The following DLG2 variants were observed in gnomAD, a reference collection of about 807,000 sequenced individuals.
DLG2 encodes the protein disks large homolog 2.
Under a neutral mutation model 132.5 loss-of-function variants are expected in DLG2, and 45 were observed. The observed-to-expected ratio is 0.34, with a 90% confidence interval of 0.27 to 0.44. DLG2 has a LOEUF of 0.44. DLG2 is among the 20% of genes least tolerant of loss of function. The pLI, the probability that DLG2 is intolerant of heterozygous loss-of-function variation, is 1.00. For missense variants in DLG2, 1,045 were observed against 1,196.9 expected (o/e 0.87, Z 1.87); for synonymous variants, 424 against 419.6 (o/e 1.01, Z -0.13).
At chr11:83,961,971 T>G (rs2088913077) in intron 14 of DLG2, among the ~76,000 whole-genome samples, 1 of 152,028 alleles carries the variant, frequency 6.6e-6, no homozygotes, top group South Asian at 2.1e-4. Flanking sequence ...GGAAAATGCT[T>G]AATCATTTAA....
At chr11:83,617,609 CTT>C (rs1254225638) in intron 19 of DLG2, among the ~76,000 whole-genome samples, 1 of 152,080 alleles carries the variant, frequency 6.6e-6, no homozygotes, top group Non-Finnish European at 1.5e-5. Flanking sequence ...AATCATCTTA[CTT>C]TTTCTTGCAC....
chr11:83,950,005 T>C (rs1482759900), intron 14 of DLG2, among the ~76,000 whole-genome samples: 2 of 152,206 alleles, frequency 1.3e-5, no homozygotes, highest in African/African-American at 4.8e-5. Context: ...ATTTTCTATA[T>C]GGACTGTACA....
chr11:83,818,448 C>T (rs187555985), intron 17 of DLG2, among the ~76,000 whole-genome samples: 35 of 152,258 alleles, frequency 2.3e-4, no homozygotes, highest in Admixed American at 9.8e-4. Flanking sequence ...CCTCACTGTA[C>T]TTTTCTTATA....
Position 84,898,100 on chromosome 11 carries a change from A to G in DLG2, c.357+213561T>C, listed in dbSNP as rs190969956. Reference sequence around the variant, plus strand: ...AAATATGGCTTCACTTTGCAAAGATATAACAATAAAAATGGTCACTTTATA... The same window carrying G: ...AAATATGGCTTCACTTTGCAAAGATGTAACAATAAAAATGGTCACTTTATA... On this transcript the variant is annotated intron_variant, in intron 6 of 27. Transcript: ENST00000376104. Among the ~76,000 whole-genome samples the G allele has an allele frequency of 8.2e-4, 125 of 152,096 alleles. 1 individual carries two copies. Among genetic ancestry groups the G allele is most frequent in the Admixed American group, 8.1e-3 (124 of 15,234 alleles).
intron 9 of DLG2, among the ~76,000 whole-genome samples, chr11:84,112,252 C>T (rs1267401584): frequency 2.0e-5 from 3 of 151,830 alleles, no homozygotes; most frequent in Non-Finnish European, 4.4e-5. Flanking sequence ...CCCGCCTCGG[C>T]CTCCCCAAGT....
chr11:84,870,666 C>A (rs1485669231), intron 6 of DLG2, among the ~76,000 whole-genome samples: 1 of 152,178 alleles, frequency 6.6e-6, no homozygotes, highest in Non-Finnish European at 1.5e-5. Flanking sequence ...TACATATATT[C>A]ATCACTGTGT....
chr11:83,799,680 G>A (rs946486614), intron 17 of DLG2, among the ~76,000 whole-genome samples: 2 of 152,172 alleles, frequency 1.3e-5, no homozygotes, highest in Non-Finnish European at 2.9e-5. Flanking sequence ...GATGATTGGA[G>A]GTGTGATGAT....
Position 85,146,227 on chromosome 11 carries a change from C to CCTCTCTCTCTCTCT in DLG2, c.282+8315_282+8328dup, listed in dbSNP as rs35640163. Among the ~76,000 whole-genome samples, 801 of 129,158 alleles carry CCTCTCTCTCTCTCT rather than the reference C, an allele frequency of 6.2e-3. 10 individuals are homozygous for CCTCTCTCTCTCTCT. Among genetic ancestry groups the CCTCTCTCTCTCTCT allele is most frequent in the Non-Finnish European group, 8.3e-3 (512 of 61,444 alleles). 84.7% of individuals were successfully genotyped at this position (129,158 alleles called of 152,430 possible). A position where few individuals can be genotyped will look rare whatever the true frequency, so the allele number is the denominator to read the frequency against. On this transcript the variant is annotated intron_variant, in intron 5 of 27. Transcript: ENST00000376104. ...AAGTCTGTCTGTATGTCTGTTTCTCCCTCTCTCTCTCTCTCTCTCTCTCTC... is the reference window on the plus strand; with the variant it reads ...AAGTCTGTCTGTATGTCTGTTTCTCCCTCTCTCTCTCTCTCTCTCTCTCTCTCTCTCTCTCTCTC...
At chr11:85,031,086 A>T (rs1592970968) in intron 6 of DLG2, among the ~76,000 whole-genome samples, 1 of 151,652 alleles carries the variant, frequency 6.6e-6, no homozygotes, top group Non-Finnish European at 1.5e-5. Flanking sequence ...GCTTTTTTTT[A>T]TATATAGGTT....
intron 6 of DLG2, among the ~76,000 whole-genome samples, chr11:84,960,724 A>G (rs575512296): frequency 3.3e-5 from 5 of 152,256 alleles, no homozygotes; most frequent in Admixed American, 1.3e-4. Context: ...AAAGGACATA[A>G]GCTTTATTTC....
chr11:84,285,137 C>T (rs894010386), intron 7 of DLG2, among the ~76,000 whole-genome samples: 14 of 152,118 alleles, frequency 9.2e-5, no homozygotes, highest in Non-Finnish European at 5.9e-5. Flanking sequence ...TATCCTGTTG[C>T]TTGCTGGTCA....
chr11:85,462,767 GT>G (rs1398279781), intron 3 of DLG2, among the ~76,000 whole-genome samples: 9 of 151,552 alleles, frequency 5.9e-5, no homozygotes, highest in African/African-American at 2.2e-4. Context: ...AAACGTGCAC[GT>G]TTTGCTCATG....
intron 6 of DLG2, among the ~76,000 whole-genome samples, chr11:85,087,869 A>C (rs2508326): frequency 6.7e-6 from 1 of 148,302 alleles, no homozygotes; most frequent in Non-Finnish European, 1.5e-5. Context: ...AAAAAAAAAA[A>C]CAGATCATGG....
intron 6 of DLG2, among the ~76,000 whole-genome samples, chr11:84,906,246 T>C (rs1264346440): frequency 1.3e-5 from 2 of 151,280 alleles, no homozygotes; most frequent in Non-Finnish European, 1.5e-5. Flanking sequence ...TTTGTTTTTT[T>C]TTTTTTTACA....
chr11:84,756,739 G>A (rs910897911), intron 6 of DLG2, among the ~76,000 whole-genome samples: 2 of 152,024 alleles, frequency 1.3e-5, no homozygotes, highest in African/African-American at 4.8e-5. Context: ...AATATAATGA[G>A]ATTTTTTTGT....
At chr11:85,251,054 A>G (rs992720612) in intron 4 of DLG2, among the ~76,000 whole-genome samples, 4 of 152,160 alleles carry the variant, frequency 2.6e-5, no homozygotes, top group South Asian at 2.1e-4. Context: ...AGCTACTTCT[A>G]TCAACAGTAA....
In DLG2 at chr11:84,934,480, C is replaced by G. The variant is rs73518985; in HGVS notation, c.357+177181G>C. On this transcript the variant is annotated intron_variant, in intron 6 of 27. Transcript: ENST00000376104. Reference sequence around the variant, plus strand: ...TTCTTTGTACATCCTCTTTGTACATCTGTGAATCTGTATGGTCCTGGGTGT... The same window carrying G: ...TTCTTTGTACATCCTCTTTGTACATGTGTGAATCTGTATGGTCCTGGGTGT... Among the ~76,000 whole-genome samples, 658 of 99,372 alleles carry G rather than the reference C, an allele frequency of 6.6e-3. 8 individuals are homozygous for G. Among genetic ancestry groups the G allele is most frequent in the African/African-American group, 0.026 (615 of 23,742 alleles). 65.2% of individuals were successfully genotyped at this position (99,372 alleles called of 152,430 possible). A position where few individuals can be genotyped will look rare whatever the true frequency, so the allele number is the denominator to read the frequency against.
chr11:84,084,103 C>T (rs191423969), intron 10 of DLG2, among the ~76,000 whole-genome samples: 26 of 151,750 alleles, frequency 1.7e-4, no homozygotes, highest in Non-Finnish European at 2.9e-4. Flanking sequence ...ATGAATAACC[C>T]TAGGCTCAAA....
chr11:85,316,421 C>A (rs2080680249), intron 3 of DLG2, among the ~76,000 whole-genome samples: 2 of 151,954 alleles, frequency 1.3e-5, no homozygotes, highest in South Asian at 4.1e-4. Flanking sequence ...CTGGTACTAT[C>A]TCCTACCAAG....
Sources: allele counts gnomAD v4.1 joint callset (sites outside exome capture counted in the v4.1 genomes callset), GRCh38; gene constraint gnomAD v4.1.1; transcripts MANE v1.5; gene names NCBI Gene and HGNC (gene_info 2026-07-23, HGNC 2026-07-21).